Variants in AOPEP observed in about 807,000 individuals in gnomAD.
The protein encoded by AOPEP is aminopeptidase O.
Under a neutral mutation model 98.1 loss-of-function variants are expected in AOPEP, and 77 were observed. That is an observed-to-expected ratio of 0.78 (90% CI 0.65 to 0.95). The LOEUF is 0.95. AOPEP is among the 40% of genes least tolerant of loss of function. The probability of loss-of-function intolerance (pLI) is 0.00; values close to 1 mark genes in which losing one functional copy is unlikely to be tolerated. For missense variants in AOPEP, 1,024 were observed against 1,024.7 expected, an observed-to-expected ratio of 1.00 and a Z score of 0.01; for synonymous variants, 346 against 365.3, an observed-to-expected ratio of 0.95 and a Z score of 0.60.
At position 94,759,801 on chromosome 9, in the gene AOPEP, C is replaced by T; in HGVS notation, c.18C>T (p.Asp6=). The T allele has an allele frequency of 6.2e-7, 1 of 1,613,864 alleles. No individual in the cohort carries two copies. Among genetic ancestry groups the T allele is most frequent in the South Asian group, 1.1e-5 (1 of 90,992 alleles). The change falls in exon 2 of 17, where the codon GAC becomes GAT. Residue 6 remains aspartate, a synonymous_variant. Coordinates refer to ENST00000375315, the MANE Select transcript of AOPEP (RefSeq NM_001193329.3). ...ACCACATCATGGACATACAGCTGGA[C>T]CCTGCCAGAGATGACCTGCCTCTCA... MDIQL[D]PARDDLPLMA...
At chr9:94,971,119 C>T (rs1224464712) in intron 10 of AOPEP, among the ~76,000 whole-genome samples, 1 of 151,996 alleles carries the variant, frequency 6.6e-6, no homozygotes, top group Non-Finnish European at 1.5e-5. Flanking sequence ...TCTGGGGGAA[C>T]CTGGATTTTA....
chr9:94,783,822 A>G (rs1419021604), intron 3 of AOPEP, among the ~76,000 whole-genome samples: 1 of 152,196 alleles, frequency 6.6e-6, no homozygotes, highest in Admixed American at 6.5e-5. Context: ...TGATACAAAG[A>G]TGTTCCAAAG....
Position 94,979,431 on chromosome 9 carries a change from A to T in AOPEP, c.1977+4A>T, listed in dbSNP as rs748427870. ...TGAGAGTTCCGGAATACCAAAGGTA[A>T]CTCAAGATAACCACTTTGGTAGAAT... On this transcript the variant is annotated splice_donor_region_variant and intron_variant, in intron 11 of 16. Transcript: ENST00000375315. 2 of 1,583,712 alleles carry T rather than the reference A, an allele frequency of 1.3e-6. No individual in the cohort carries two copies. Among genetic ancestry groups the T allele is most frequent in the African/African-American group, 2.7e-5 (2 of 74,578 alleles).
the AOPEP span, among the ~76,000 whole-genome samples, chr9:95,097,638 T>C: frequency 6.6e-6 from 1 of 152,228 alleles, no homozygotes; most frequent in African/African-American, 2.4e-5. Context: ...CAGCATTCAG[T>C]GCACGTTTCT....
intron 5 of AOPEP, among the ~76,000 whole-genome samples, chr9:94,830,707 A>T (rs1324834593): frequency 6.6e-6 from 1 of 152,194 alleles, no homozygotes; most frequent in Non-Finnish European, 1.5e-5. Flanking sequence ...CAACCTTGCC[A>T]GCATCTGTTG....
chr9:94,732,217 C>A (rs1830707398), intron 1 of AOPEP, among the ~76,000 whole-genome samples: 1 of 151,026 alleles, frequency 6.6e-6, no homozygotes. Context: ...AATATTCTCC[C>A]CATGTTTGAT....
intron 13 of AOPEP, among the ~76,000 whole-genome samples, chr9:95,031,690 T>C (rs760253112): frequency 6.6e-6 from 1 of 152,228 alleles, no homozygotes; most frequent in Non-Finnish European, 1.5e-5. Context: ...CCTTAAATCC[T>C]GTTCAAGCCC....
chr9:94,790,781 A>T (rs894768598), intron 3 of AOPEP, among the ~76,000 whole-genome samples: 5 of 152,018 alleles, frequency 3.3e-5, no homozygotes, highest in Admixed American at 3.3e-4. Context: ...AAAGCACTTT[A>T]AAAAATGTCA....
chr9:94,858,340 T>G (rs1028715108), intron 5 of AOPEP, among the ~76,000 whole-genome samples: 2 of 150,720 alleles, frequency 1.3e-5, no homozygotes, highest in African/African-American at 4.9e-5. Context: ...CTATATTAGT[T>G]TCCTGTGTCT....
downstream of AOPEP, among the ~76,000 whole-genome samples, chr9:95,090,544 C>G (rs1423854946): frequency 6.6e-6 from 1 of 152,116 alleles, no homozygotes; most frequent in East Asian, 1.9e-4. Context: ...CCCAGAGGGC[C>G]CCCCCTTCGA....
intron 1 of AOPEP, among the ~76,000 whole-genome samples, chr9:94,733,540 A>G (rs1436888665): frequency 6.6e-6 from 1 of 152,130 alleles, no homozygotes; most frequent in East Asian, 1.9e-4. Context: ...TTCCTTCTGT[A>G]TTGGTGTAGT....
intron 5 of AOPEP, among the ~76,000 whole-genome samples, chr9:94,828,398 G>T: frequency 6.6e-6 from 1 of 152,182 alleles, no homozygotes; most frequent in East Asian, 1.9e-4. Flanking sequence ...TGATTTTTGT[G>T]TAAGGTGTGA....
intron 5 of AOPEP, among the ~76,000 whole-genome samples, chr9:94,908,137 G>T (rs1263331228): frequency 6.6e-6 from 1 of 152,180 alleles, no homozygotes; most frequent in Non-Finnish European, 1.5e-5. Flanking sequence ...TTTCCCTCTG[G>T]TTTTTTGACG....
chr9:95,099,942 G>C, the AOPEP span: 8 of 232,530 alleles, frequency 3.4e-5, no homozygotes, highest in African/African-American at 1.8e-4. Context: ...AGGACCACAG[G>C]ACAGGGTGGA....
intron 5 of AOPEP, among the ~76,000 whole-genome samples, chr9:94,808,729 T>G (rs1457668348): frequency 1.3e-5 from 2 of 152,228 alleles, no homozygotes; most frequent in Non-Finnish European, 1.5e-5. Flanking sequence ...TAAGAAAGTG[T>G]GAATGATATT....
At chr9:95,042,980 AG>A (rs1256360160) in intron 13 of AOPEP, among the ~76,000 whole-genome samples, 1 of 152,086 alleles carries the variant, frequency 6.6e-6, no homozygotes, top group Non-Finnish European at 1.5e-5. Flanking sequence ...AGTATTAGGT[AG>A]GGGTTTTTTG....
the AOPEP span, among the ~76,000 whole-genome samples, chr9:95,129,154 C>T: frequency 6.6e-6 from 1 of 152,096 alleles, no homozygotes; most frequent in South Asian, 2.1e-4. Flanking sequence ...AAAAAGAAAA[C>T]CAGTCTCCCT....
At chr9:95,064,837 A>G (rs1226877943) in intron 14 of AOPEP, among the ~76,000 whole-genome samples, 2 of 152,384 alleles carry the variant, frequency 1.3e-5, no homozygotes, top group Non-Finnish European at 2.9e-5. Context: ...CTTAATGATT[A>G]ATAGAACTCT....
chr9:95,046,729 C>T (rs941273460), intron 13 of AOPEP, among the ~76,000 whole-genome samples: 2 of 152,072 alleles, frequency 1.3e-5, no homozygotes, highest in Non-Finnish European at 2.9e-5. Context: ...AGTTGCTCAC[C>T]GTGTTTATTT....
Sources: allele counts gnomAD v4.1 joint callset (sites outside exome capture counted in the v4.1 genomes callset), GRCh38; gene constraint gnomAD v4.1.1; transcripts MANE v1.5; gene names NCBI Gene and HGNC (gene_info 2026-07-23, HGNC 2026-07-21).